Variants in DNAH2 observed in about 807,000 individuals in gnomAD.
The protein encoded by DNAH2 is axonemal beta dynein heavy chain 2.
Under a neutral mutation model 523.5 loss-of-function variants are expected in DNAH2, and 323 were observed. That is an observed-to-expected ratio of 0.62 (90% CI 0.56 to 0.68). The LOEUF (loss-of-function observed/expected upper bound fraction) is 0.68. DNAH2 is among the 30% of genes least tolerant of loss of function. The pLI is 0.00. For synonymous variants in DNAH2, 2,093 were observed against 2,177.4 expected, an observed-to-expected ratio of 0.96 and a Z score of 1.08; for missense variants, 4,907 against 5,701.5, an observed-to-expected ratio of 0.86 and a Z score of 4.49.
intron 20 of DNAH2, among the ~76,000 whole-genome samples, 155 bp downstream of exon 20, chr17:7,764,428 G>C (rs149803351): frequency 2.5e-4 from 38 of 151,916 alleles, no homozygotes; most frequent in African/African-American, 8.9e-4. Context: ...CCTTTACTTA[G>C]CTTCTGGATT....
intron 77 of DNAH2, among the ~76,000 whole-genome samples, chr17:7,825,433 G>A (rs2077991965): frequency 6.6e-6 from 1 of 152,232 alleles, no homozygotes; most frequent in Non-Finnish European, 1.5e-5. Flanking sequence ...ACGCATGGGT[G>A]CCTTTCATCA....
rs543881020 is a variant in DNAH2 at position 7,792,792 on chromosome 17, G to A, written c.7281G>A (p.Gln2427=). 6.2e-6 allele frequency: 10 copies of A among 1,614,088 alleles called. No individual in the cohort carries two copies. Among genetic ancestry groups the A allele is most frequent in the Non-Finnish European group, 7.6e-6 (9 of 1,180,044 alleles). The part of the protein sequence containing the change: ...PVGTGKTSIA[Q]SVLQSLPSSQ... ...GGACTGGGAAGACCTCCATCGCCCA[G>A]AGCGTTCTGCAGTCCCTGCCCTCCA... Residue 2427 remains glutamine (Q), a synonymous_variant, in exon 47 of 86, where the codon CAG becomes CAA. Transcript: ENST00000572933.
intron 77 of DNAH2, among the ~76,000 whole-genome samples, chr17:7,829,302 G>A (rs1014853196): frequency 6.6e-6 from 1 of 152,100 alleles, no homozygotes; most frequent in Non-Finnish European, 1.5e-5. Flanking sequence ...GTGAGCCAGC[G>A]CGCCTGGCCA....
chr17:7,777,612 A>G lies in DNAH2; in HGVS notation c.5225A>G (p.Gln1742Arg). ...MDVNSFDWLS[Q>R]LRFYWEKDLD... Reference sequence around the variant, plus strand: ...GTCAATTCCTTTGACTGGCTCAGCCAACTTCGGTTCTACTGGGAGAAGGTG... The same window carrying G: ...GTCAATTCCTTTGACTGGCTCAGCCGACTTCGGTTCTACTGGGAGAAGGTG... Residue 1742 changes from glutamine to arginine, a missense_variant, in exon 33 of 86, where the codon CAA (glutamine) becomes CGA (arginine). Physicochemically the swap from Gln to Arg is conservative, Grantham distance 43. Around this residue, in one of 3 missense-constraint regions of DNAH2, gnomAD observed 2,806 missense variants for 3,190.8 expected, o/e 0.88. Transcript: ENST00000572933. 2.5e-6 allele frequency: 4 copies of G among 1,614,148 alleles called. No individual in the cohort carries two copies. The highest frequency in any genetic ancestry group is 2.5e-6 in the Non-Finnish European group (3 of 1,180,014).
rs1230932850 is a variant in DNAH2, at chr17:7,799,088, G to C, written c.8560-15G>C. 5.0e-6 allele frequency: 8 copies of C among 1,613,470 alleles called. No homozygotes were observed. In the South Asian group the frequency reaches 5.5e-5, roughly 11 times the overall value. ...GGACACGCCAGCCCTCTGACCCTGG[G>C]TGGCTTCTGTCCAGATCCAGTCGCA... On this transcript the variant is annotated splice_polypyrimidine_tract_variant and intron_variant, in intron 55 of 85. Transcript: ENST00000572933.
chr17:7,812,537 G>A (rs923719525), intron 63 of DNAH2, among the ~76,000 whole-genome samples: 3 of 152,118 alleles, frequency 2.0e-5, no homozygotes, highest in Admixed American at 1.3e-4. Context: ...AGGATCACTT[G>A]AGCCCAGAAG....
intron 77 of DNAH2, among the ~76,000 whole-genome samples, chr17:7,826,836 G>A (rs921316649): frequency 2.6e-5 from 4 of 151,758 alleles, no homozygotes; most frequent in Non-Finnish European, 4.4e-5. Context: ...CACCGCACCC[G>A]GCCCATCATC....
chr17:7,721,004 C>CTTTTTTTTTTTTTTT (rs71159523), intron 2 of DNAH2, among the ~76,000 whole-genome samples: 8 of 109,720 alleles, frequency 7.3e-5, no homozygotes, highest in African/African-American at 1.6e-4. Context: ...TTCTTTCTTT[C>CTTTTTTTTTTTTTTT]TTTTTTTTTT....
At position 7,807,063 on chromosome 17, in the gene DNAH2, G is replaced by A; in HGVS notation, c.9443-87G>A. Reference sequence around the variant, plus strand: ...AGGAACTGAGCCCAGGAAAAATGTGGCTATGCGTGAGTAGTGGAGGTGAAA... The same window carrying A: ...AGGAACTGAGCCCAGGAAAAATGTGACTATGCGTGAGTAGTGGAGGTGAAA... On this transcript the variant is annotated intron_variant, in intron 61 of 85. Transcript: ENST00000572933. This position sits in a 1 kb window ranked among gnomAD's most constrained non-coding sequence, Gnocchi z 5.6. The A allele has an allele frequency of 1.3e-6, 2 of 1,488,548 alleles. No individual in the cohort carries two copies. Among genetic ancestry groups the A allele is most frequent in the South Asian group, 1.3e-5 (1 of 78,418 alleles). 92.2% of individuals were successfully genotyped at this position (1,488,548 alleles called of 1,614,324 possible).
rs1435884548 is a variant in DNAH2 at position 7,777,428 on chromosome 17, T to C, written c.5059-18T>C. 1 of 1,614,044 alleles carries C rather than the reference T, an allele frequency of 6.2e-7. No homozygotes were observed. The highest frequency in any genetic ancestry group is 8.5e-7 in the Non-Finnish European group (1 of 1,179,942). ...GCATTGCTCTGTCTGCTCTCTTCCC[T>C]GCTGCTTCATGCCACAGGTGTCAAT... On this transcript the variant is annotated intron_variant, in intron 32 of 85. Transcript: ENST00000572933.
rs531042570 is a variant in DNAH2 at position 7,816,124 on chromosome 17, C to A, written c.9730-447C>A. Among the ~76,000 whole-genome samples the A allele has an allele frequency of 1.5e-4, 23 of 152,270 alleles. 1 individual carries two copies. The South Asian group carries it at 4.4e-3, about 29-fold the overall frequency. On this transcript the variant is annotated intron_variant, in intron 63 of 85. Transcript: ENST00000572933. The stretch of plus-strand genomic sequence containing the variant: ...CAGCTCTTTGTCTCGAATGGACTCT[C>A]CCTCTAACAGCTCTTGGGTTCATTT...
chr17:7,733,641 C>A (rs112008397), intron 5 of DNAH2, among the ~76,000 whole-genome samples: 16,036 of 151,682 alleles, frequency 0.11, 958 homozygotes, highest in Non-Finnish European at 0.12. Flanking sequence ...CCACGCCTGG[C>A]TAATTTTTTG....
At chr17:7,719,252 C>G (rs2074519572) in intron 1 of DNAH2, among the ~76,000 whole-genome samples, 1 of 151,834 alleles carries the variant, frequency 6.6e-6, no homozygotes, top group Non-Finnish European at 1.5e-5. Context: ...CTCAGCCTCC[C>G]GAGTAGCTGG....
chr17:7,774,986 A>C lies in DNAH2; in HGVS notation c.4719+10A>C. The C allele has an allele frequency of 6.2e-7, 1 of 1,612,568 alleles. No homozygotes were observed. Among genetic ancestry groups the C allele is most frequent in the Non-Finnish European group, 8.5e-7 (1 of 1,179,448 alleles). On this transcript the variant is annotated intron_variant, in intron 29 of 85. Transcript: ENST00000572933. ...GCTGAGAATCCAGAAGGTCAGTAGA[A>C]GTGGCCACAGTGAGATGCTGGGTGG...
At position 7,818,677 on chromosome 17, in the gene DNAH2, G is replaced by C; in HGVS notation, c.10571G>C (p.Arg3524Pro). The C allele has an allele frequency of 6.2e-7, 1 of 1,614,060 alleles. No homozygotes were observed. The highest frequency in any genetic ancestry group is 8.5e-7 in the Non-Finnish European group (1 of 1,180,012). ...LEAQLLGIVV[R>P]KERPELEEQK... ...GCCCAGCTGCTGGGCATTGTGGTGC[G>C]GAAGGAGCGGCCTGAGCTGGAGGAG... The change falls in exon 70 of 86, where the codon CGG (arginine) becomes CCG (proline). Residue 3524 changes from arginine to proline, a missense_variant. By Grantham distance (103) the Arg-to-Pro change is moderately radical (BLOSUM62 -2). This residue lies in a region of DNAH2 where 1,851 missense variants were observed against 2,139.4 expected (regional missense o/e 0.87). Transcript: ENST00000572933.
chr17:7,758,060 G>A (rs540098534), intron 13 of DNAH2, among the ~76,000 whole-genome samples: 40 of 152,328 alleles, frequency 2.6e-4, no homozygotes, highest in African/African-American at 7.2e-4. Context: ...GTCCAAGGAG[G>A]TGCAACCAGC....
chr17:7,797,697 C>T lies in DNAH2; in HGVS notation c.8098C>T (p.Pro2700Ser), dbSNP rs781502224. 2 of 1,614,092 alleles carry T rather than the reference C, an allele frequency of 1.2e-6. No homozygotes were observed. Among genetic ancestry groups the T allele is most frequent in the Non-Finnish European group, 1.7e-6 (2 of 1,180,028 alleles). Residue 2700 changes from proline to serine, a missense_variant, in exon 53 of 86, where the codon CCC (proline) becomes TCC (serine). Pro to Ser is a moderately conservative substitution (Grantham distance 74, BLOSUM62 -1). Around this residue, in one of 3 missense-constraint regions of DNAH2, gnomAD observed 250 missense variants for 371.3 expected, o/e 0.67. Transcript: ENST00000572933. ...TGGCTCAGGGGATTTCCTGAAGGAGCCCAAGGTGTATGAAGACCTCACGGA... is the reference window on the plus strand; with the variant it reads ...TGGCTCAGGGGATTTCCTGAAGGAGTCCAAGGTGTATGAAGACCTCACGGA... ...PPIFGDFLKE[P>S]KVYEDLTDLT...
chr17:7,793,845 G>A (rs2076989673), intron 48 of DNAH2, among the ~76,000 whole-genome samples: 1 of 152,104 alleles, frequency 6.6e-6, no homozygotes. Flanking sequence ...CCAAAAACTC[G>A]CCTAGTGCTA....
intron 42 of DNAH2, 42 bp from the exon 43 acceptor site, chr17:7,787,818 G>C: frequency 1.3e-6 from 2 of 1,567,796 alleles, no homozygotes; most frequent in Non-Finnish European, 1.7e-6. Context: ...GAAGGTGGGG[G>C]ATGCAGAGAA....
Sources: allele counts gnomAD v4.1 joint callset (sites outside exome capture counted in the v4.1 genomes callset), GRCh38; gene constraint gnomAD v4.1.1; regional missense constraint gnomAD v4.1.1; non-coding constraint Gnocchi (gnomAD v3.1); transcripts MANE v1.5; gene names NCBI Gene and HGNC (gene_info 2026-07-23, HGNC 2026-07-21).